Variants in SARNP observed in about 807,000 individuals in gnomAD.
The protein encoded by SARNP is SAP domain containing ribonucleoprotein.
In SARNP, 5 loss-of-function variants were observed where a neutral mutation model predicts 38.1. The observed-to-expected ratio is 0.13, with a 90% CI of 0.07 to 0.28. The LOEUF (loss-of-function observed/expected upper bound fraction) is 0.28, where lower values mean the gene tolerates loss of function less well. SARNP is among the 10% of genes least tolerant of loss of function. SARNP has a pLI of 1.00. For missense variants in SARNP, 180 were observed against 243.9 expected, an observed-to-expected ratio of 0.74 and a Z score of 1.75; for synonymous variants, 84 against 80.6, an observed-to-expected ratio of 1.04 and a Z score of -0.23.
At chr12:55,807,157 T>A (rs937612693) in intron 1 of SARNP, among the ~76,000 whole-genome samples, 3 of 152,130 alleles carry the variant, frequency 2.0e-5, no homozygotes, top group African/African-American at 7.2e-5. Flanking sequence ...CACGGAGCAA[T>A]ACTTTCGCAA....
At chr12:55,802,189 C>T (rs1420414883) in intron 2 of SARNP, among the ~76,000 whole-genome samples, 1 of 152,064 alleles carries the variant, frequency 6.6e-6, no homozygotes, top group Non-Finnish European at 1.5e-5. Flanking sequence ...TGCAGATCTA[C>T]AGAGCAATTC....
At chr12:55,816,395 C>A (rs1209489008) in intron 1 of SARNP, among the ~76,000 whole-genome samples, 2 of 151,856 alleles carry the variant, frequency 1.3e-5, no homozygotes, top group African/African-American at 4.8e-5. Context: ...ATCAAGAGAC[C>A]GCTGATATAG....
chr12:55,760,178 A>T (rs1218269847), intron 10 of SARNP, among the ~76,000 whole-genome samples: 1 of 152,210 alleles, frequency 6.6e-6, no homozygotes, highest in Non-Finnish European at 1.5e-5. Flanking sequence ...GTTATCAAGA[A>T]AAAAGCAAAA....
chr12:55,791,410 C>A (rs958041142), intron 7 of SARNP, among the ~76,000 whole-genome samples: 4 of 152,188 alleles, frequency 2.6e-5, no homozygotes, highest in African/African-American at 9.7e-5. Context: ...AATTATGGCT[C>A]CTGGCCGGGT....
At chr12:55,791,610 GCTTGAAC>G (rs1879671728) in intron 7 of SARNP, among the ~76,000 whole-genome samples, 1 of 152,140 alleles carries the variant, frequency 6.6e-6, no homozygotes, top group Admixed American at 6.5e-5. Flanking sequence ...CAGGAGAATT[GCTTGAAC>G]CCAGAAGGCA....
intron 1 of SARNP, among the ~76,000 whole-genome samples, chr12:55,809,314 T>C (rs919201165): frequency 6.6e-6 from 1 of 151,954 alleles, no homozygotes; most frequent in African/African-American, 2.4e-5. Context: ...CATAGTCGCA[T>C]GTGCCTACAG....
chr12:55,794,983 A>G (rs1258760160), intron 5 of SARNP, 103 bp from the exon 6 acceptor site: 2 of 604,268 alleles, frequency 3.3e-6, no homozygotes, highest in Non-Finnish European at 5.6e-6. Context: ...AAAAAAAAAA[A>G]GAGTCTCACT....
At chr12:55,776,569 A>AT (rs551435414) in intron 9 of SARNP, among the ~76,000 whole-genome samples, 25 of 152,166 alleles carry the variant, frequency 1.6e-4, no homozygotes, top group African/African-American at 5.8e-4. Flanking sequence ...TTATTGTTGT[A>AT]TTTTTCCCCC....
chr12:55,769,002 C>T (rs112048221), intron 9 of SARNP, among the ~76,000 whole-genome samples: 1,535 of 152,310 alleles, frequency 0.01, 21 homozygotes, highest in Admixed American at 0.026. Context: ...CAGGTGTGAG[C>T]CACCATGCCA....
intron 2 of SARNP, among the ~76,000 whole-genome samples, chr12:55,802,913 T>C (rs1208767741): frequency 6.8e-6 from 1 of 148,128 alleles, no homozygotes; most frequent in Non-Finnish European, 1.5e-5. Context: ...ACATTCCACA[T>C]GGACGCATCT....
intron 9 of SARNP, among the ~76,000 whole-genome samples, chr12:55,776,251 C>T (rs1879177425): frequency 6.6e-6 from 1 of 152,000 alleles, no homozygotes; most frequent in Non-Finnish European, 1.5e-5. Context: ...CCAGCCTGGG[C>T]AAAATAGGGA....
intron 9 of SARNP, among the ~76,000 whole-genome samples, chr12:55,780,527 G>A (rs1879313935): frequency 6.6e-6 from 1 of 152,042 alleles, no homozygotes; most frequent in Non-Finnish European, 1.5e-5. Flanking sequence ...AAGATTAGCT[G>A]GGCATAGTGG....
chr12:55,762,901 T>C (rs150511313), intron 9 of SARNP, among the ~76,000 whole-genome samples: 1 of 152,336 alleles, frequency 6.6e-6, no homozygotes, highest in Non-Finnish European at 1.5e-5. Flanking sequence ...GAGTACTGTC[T>C]TGGTCTTTAA....
chr12:55,786,795 C>T (rs1028097302), intron 9 of SARNP, among the ~76,000 whole-genome samples: 1 of 152,142 alleles, frequency 6.6e-6, no homozygotes, highest in African/African-American at 2.4e-5. Context: ...GTGCATGTGG[C>T]TTAAGAATCA....
intron 9 of SARNP, among the ~76,000 whole-genome samples, chr12:55,783,018 G>A (rs970834162): frequency 1.4e-4 from 22 of 152,024 alleles, no homozygotes; most frequent in Admixed American, 1.4e-3. Flanking sequence ...GGCTGAGGTG[G>A]GAGGATCACT....
At chr12:55,755,053 G>GAA (rs1878462619), downstream of SARNP, 1 of 152,168 alleles carries the variant, frequency 6.6e-6, no homozygotes, top group South Asian at 2.1e-4. Context: ...GGAAAAACAA[G>GAA]AAAAGTCTAG....
At chr12:55,816,786 A>G (rs1403764320) in intron 1 of SARNP, among the ~76,000 whole-genome samples, 1 of 152,144 alleles carries the variant, frequency 6.6e-6, no homozygotes, top group Non-Finnish European at 1.5e-5. Context: ...TATTTTTTTA[A>G]CTTTTTTATA....
intron 9 of SARNP, among the ~76,000 whole-genome samples, chr12:55,765,076 C>T (rs1193365824): frequency 6.6e-6 from 1 of 152,142 alleles, no homozygotes; most frequent in Non-Finnish European, 1.5e-5. Flanking sequence ...TCTCTTCTTG[C>T]GGAGAGGCAA....
Position 55,789,933 on chromosome 12 carries a change from AAC to A in SARNP, c.432+632_432+633del, listed in dbSNP as rs2136194478. 2.7e-5 allele frequency among the ~76,000 whole-genome samples: 4 copies of A among 149,966 alleles called. No individual in the cohort carries two copies. The East Asian group carries it at 7.8e-4, about 29-fold the overall frequency. On this transcript the variant is annotated intron_variant, in intron 8 of 10. Coordinates refer to ENST00000336133, the MANE Select transcript of SARNP (RefSeq NM_033082.4). ...CACTCCAGCCTGGGCAAAAGAATGA[AAC>A]TCCGTCTCAAAAAAAAAAAAAAAAA...
Sources: gnomAD v4.1 joint callset for allele counts (sites outside exome capture counted in the v4.1 genomes callset) on GRCh38, gnomAD v4.1.1 for gene constraint, MANE v1.5 for transcripts, NCBI Gene and HGNC (gene_info 2026-07-23, HGNC 2026-07-21) for gene names.